Variants in WDR49 observed in about 807,000 individuals in gnomAD.
WDR49 encodes WD repeat domain 49.
In WDR49, 107 loss-of-function variants were observed where a neutral mutation model predicts 119.5. The ratio of observed to expected loss-of-function variants is 0.90; its 90% CI spans 0.77 to 1.05. The LOEUF is 1.05. WDR49 is among the 50% of genes least tolerant of loss of function. The probability of loss-of-function intolerance (pLI) is 0.00; values close to 1 mark genes in which losing one functional copy is unlikely to be tolerated. For synonymous variants in WDR49, 425 were observed against 418.8 expected (o/e 1.01, Z -0.18); for missense variants, 1,240 against 1,220.5 (o/e 1.02, Z -0.24).
chr3:167,621,834 CTT>C (rs1716887803), intron 3 of WDR49, among the ~76,000 whole-genome samples, 191 bp from the exon 4 acceptor site: 1 of 152,084 alleles, frequency 6.6e-6, no homozygotes, highest in Non-Finnish European at 1.5e-5. Context: ...CAAGAAGAAA[CTT>C]TTCCCATTAG....
At chr3:167,529,005 G>C in intron 14 of WDR49, 47 bp downstream of exon 14, 3 of 1,455,312 alleles carry the variant, frequency 2.1e-6, no homozygotes, top group East Asian at 2.4e-5. Flanking sequence ...TGCAACAAAG[G>C]GTCACCAAAA....
At chr3:167,629,304 G>A (rs1717262554) in intron 2 of WDR49, among the ~76,000 whole-genome samples, 1 of 152,026 alleles carries the variant, frequency 6.6e-6, no homozygotes, top group Non-Finnish European at 1.5e-5. Flanking sequence ...TCTGTTTACA[G>A]CATGGTTTAT....
chr3:167,605,496 C>A (rs1398744088), intron 5 of WDR49, among the ~76,000 whole-genome samples: 3 of 151,966 alleles, frequency 2.0e-5, no homozygotes, highest in Admixed American at 1.3e-4. Flanking sequence ...AGAAAAAAAA[C>A]AGATGCAGTC....
At chr3:167,635,642 G>A (rs1369524444) in intron 2 of WDR49, among the ~76,000 whole-genome samples, 2 of 151,624 alleles carry the variant, frequency 1.3e-5, no homozygotes, top group African/African-American at 4.8e-5. Flanking sequence ...ATCCAACTTG[G>A]TCTGGGTATT....
intron 5 of WDR49, among the ~76,000 whole-genome samples, chr3:167,619,148 T>C (rs774131855): frequency 1.5e-4 from 23 of 152,320 alleles, no homozygotes; most frequent in Non-Finnish European, 3.4e-4. Flanking sequence ...ACATTAACTT[T>C]CAGAGAACCT....
chr3:167,615,743 C>T (rs946806408), intron 5 of WDR49, among the ~76,000 whole-genome samples: 2 of 152,158 alleles, frequency 1.3e-5, no homozygotes, highest in African/African-American at 2.4e-5. Flanking sequence ...TTCATTTTGG[C>T]ATACACTAAT....
intron 5 of WDR49, among the ~76,000 whole-genome samples, chr3:167,610,539 A>C (rs1289544398): frequency 1.3e-5 from 2 of 152,224 alleles, no homozygotes; most frequent in Non-Finnish European, 2.9e-5. Flanking sequence ...CACCAGGTAG[A>C]CTTCTAAAGT....
chr3:167,621,208 C>A (rs528482365), intron 4 of WDR49, among the ~76,000 whole-genome samples: 6 of 151,938 alleles, frequency 3.9e-5, no homozygotes, highest in Admixed American at 1.3e-4. Flanking sequence ...AAAAGGTTAG[C>A]AAGATCTTTT....
At chr3:167,581,883 A>G (rs192458170) in intron 7 of WDR49, among the ~76,000 whole-genome samples, 44 of 152,322 alleles carry the variant, frequency 2.9e-4, no homozygotes, top group Admixed American at 2.8e-3. Context: ...AAAGGCATAA[A>G]AGTGAAGGAG....
intron 8 of WDR49, among the ~76,000 whole-genome samples, chr3:167,571,927 A>G (rs542794628): frequency 6.6e-6 from 1 of 152,350 alleles, no homozygotes; most frequent in Non-Finnish European, 1.5e-5. Flanking sequence ...AAACTGAAAC[A>G]TTATCTATTT....
chr3:167,492,214 A>G (rs1448377763), intron 18 of WDR49, among the ~76,000 whole-genome samples: 1 of 151,882 alleles, frequency 6.6e-6, no homozygotes, highest in African/African-American at 2.4e-5. Flanking sequence ...TCTGAAAAGG[A>G]GAGGAACAAT....
chr3:167,632,142 A>G (rs192500713), intron 2 of WDR49, among the ~76,000 whole-genome samples: 7 of 152,170 alleles, frequency 4.6e-5, no homozygotes, highest in Admixed American at 2.0e-4. Flanking sequence ...GCATCAATCA[A>G]TCTCTTAGAT....
chr3:167,614,814 C>A (rs916006404), intron 5 of WDR49, among the ~76,000 whole-genome samples: 9 of 152,174 alleles, frequency 5.9e-5, no homozygotes, highest in Non-Finnish European at 1.3e-4. Flanking sequence ...CCTCCTCACA[C>A]TGAGACGAAA....
chr3:167,564,003 C>T (rs1713437424), intron 8 of WDR49, among the ~76,000 whole-genome samples: 1 of 152,190 alleles, frequency 6.6e-6, no homozygotes, highest in Admixed American at 6.5e-5. Flanking sequence ...TGGGCATCAC[C>T]CACATTACAA....
chr3:167,525,702 T>C (rs896615227), intron 15 of WDR49, among the ~76,000 whole-genome samples: 1 of 152,140 alleles, frequency 6.6e-6, no homozygotes, highest in African/African-American at 2.4e-5. Context: ...CATGCATTTA[T>C]GAATAAATCC....
intron 10 of WDR49, among the ~76,000 whole-genome samples, chr3:167,545,138 A>G (rs1351328500): frequency 1.3e-5 from 2 of 151,936 alleles, no homozygotes; most frequent in African/African-American, 4.8e-5. Context: ...AAATCAAAAC[A>G]GCAATGAGAT....
intron 2 of WDR49, among the ~76,000 whole-genome samples, chr3:167,628,538 C>A (rs1717230414): frequency 6.6e-6 from 1 of 152,102 alleles, no homozygotes; most frequent in East Asian, 1.9e-4. Flanking sequence ...TAATACAGAG[C>A]AAGGCCCTAA....
At chr3:167,626,426 G>A (rs1209871873) in intron 3 of WDR49, among the ~76,000 whole-genome samples, 1 of 151,926 alleles carries the variant, frequency 6.6e-6, no homozygotes, top group African/African-American at 2.4e-5. Flanking sequence ...TTTCTGAGAG[G>A]TATTGGTATA....
intron 9 of WDR49, among the ~76,000 whole-genome samples, chr3:167,558,607 C>A (rs1167132999): frequency 1.3e-5 from 2 of 152,204 alleles, no homozygotes; most frequent in African/African-American, 4.8e-5. Context: ...CACACATACT[C>A]TTCATCCATG....
Sources: allele counts gnomAD v4.1 joint callset (sites outside exome capture counted in the v4.1 genomes callset), GRCh38; gene constraint gnomAD v4.1.1; transcripts MANE v1.5; gene names NCBI Gene and HGNC (gene_info 2026-07-23, HGNC 2026-07-21).